The following SRGAP2 variants were observed in gnomAD, a reference collection of about 807,000 sequenced individuals.
The protein encoded by SRGAP2 is SLIT-ROBO Rho GTPase-activating protein 2.
In SRGAP2, 15 loss-of-function variants were observed where a neutral mutation model predicts 57.2. The observed-to-expected ratio is 0.26, with a 90% CI of 0.18 to 0.40. The LOEUF is 0.40. Ranked by LOEUF, SRGAP2 falls within the 10% of genes least tolerant of loss-of-function variation. The pLI is 1.00. For missense variants in SRGAP2, 520 were observed against 669.6 expected (o/e 0.78, Z 2.47); for synonymous variants, 249 against 248.0 (o/e 1.00, Z -0.04).
intron 7 of SRGAP2, among the ~76,000 whole-genome samples, chr1:206,398,330 A>G (rs1236735787): frequency 6.6e-6 from 1 of 151,466 alleles, no homozygotes; most frequent in Non-Finnish European, 1.5e-5. Context: ...CTACAGGTAT[A>G]TAGATAGTCA....
At chr1:206,456,804 C>T (rs896473258) in intron 21 of SRGAP2, among the ~76,000 whole-genome samples, 1 of 152,122 alleles carries the variant, frequency 6.6e-6, no homozygotes, top group Non-Finnish European at 1.5e-5. Context: ...TCCTGCCCCC[C>T]ACGCCACTCC....
At chr1:206,359,122 A>G (rs1553340070) in intron 4 of SRGAP2, among the ~76,000 whole-genome samples, 3 of 151,198 alleles carry the variant, frequency 2.0e-5, no homozygotes, top group African/African-American at 7.3e-5. Context: ...TCTTTTGAAG[A>G]TTTCCATATT....
intron 21 of SRGAP2, chr1:206,455,255 G>A (rs922584528): frequency 1.1e-4 from 62 of 572,496 alleles, no homozygotes; most frequent in Middle Eastern, 3.9e-4. Flanking sequence ...GCTGTGGAAG[G>A]GTGCTTTACT....
intron 6 of SRGAP2, 79 bp from the exon 7 acceptor site, chr1:206,393,466 A>G: frequency 1.5e-6 from 1 of 667,796 alleles, no homozygotes; most frequent in South Asian, 1.8e-5. Flanking sequence ...GTTCTTGAAT[A>G]CACTGTACTT....
chr1:206,359,796 C>CCCTTTTTTT (rs1558345475), intron 4 of SRGAP2, among the ~76,000 whole-genome samples: 1 of 103,664 alleles, frequency 9.6e-6, no homozygotes, highest in African/African-American at 4.7e-5. Context: ...AGGGATATTG[C>CCCTTTTTTT]TCTTTTTTTT....
intron 15 of SRGAP2, 166 bp from the exon 16 acceptor site, chr1:206,437,786 ATGGAGCAGTCTT>A (rs1661901190): frequency 6.7e-6 from 4 of 599,808 alleles, no homozygotes; most frequent in Non-Finnish European, 1.2e-5. Context: ...AGCCCCTGAA[ATGGAGCAGTCTT>A]TGCTTTATCT....
chr1:206,360,095 C>T (rs1174769110), intron 4 of SRGAP2, among the ~76,000 whole-genome samples: 4 of 152,036 alleles, frequency 2.6e-5, no homozygotes, highest in Admixed American at 1.3e-4. Flanking sequence ...CGTGAGCCAC[C>T]GCGCCCGGCC....
intron 2 of SRGAP2, among the ~76,000 whole-genome samples, chr1:206,286,769 C>T (rs1368571220): frequency 1.1e-4 from 16 of 149,906 alleles, no homozygotes; most frequent in African/African-American, 1.5e-4. Flanking sequence ...ATGCTTCCAG[C>T]GAAGGGAAGC....
intron 2 of SRGAP2, among the ~76,000 whole-genome samples, chr1:206,248,812 C>T (rs1174943192): frequency 6.7e-6 from 1 of 149,990 alleles, no homozygotes; most frequent in Non-Finnish European, 1.5e-5. Context: ...CTCTTTACTC[C>T]TCACTGCTGT....
intron 7 of SRGAP2, 30 bp downstream of exon 7, chr1:206,393,703 C>T (rs781846005): frequency 5.0e-6 from 3 of 594,850 alleles, no homozygotes; most frequent in Non-Finnish European, 6.3e-6. Flanking sequence ...GGCCTGAGGG[C>T]ACCTCTTTTC....
At chr1:206,432,887 T>C (rs1661395374) in intron 14 of SRGAP2, among the ~76,000 whole-genome samples, 1 of 152,234 alleles carries the variant, frequency 6.6e-6, no homozygotes, top group Admixed American at 6.5e-5. Context: ...ATGTGTTGTT[T>C]ACCCTGGTAA....
intron 21 of SRGAP2, among the ~76,000 whole-genome samples, chr1:206,458,039 A>G (rs1663980167): frequency 6.6e-6 from 1 of 152,198 alleles, no homozygotes; most frequent in South Asian, 2.1e-4. Flanking sequence ...ATGTAGAGGT[A>G]TTTCCACACT....
chr1:206,453,597 G>T, intron 20 of SRGAP2: 1 of 341,884 alleles, frequency 2.9e-6, no homozygotes. Context: ...CACTATCTGT[G>T]CCCCCTGCAA....
intron 18 of SRGAP2, among the ~76,000 whole-genome samples, chr1:206,448,677 T>C (rs1662976853): frequency 6.6e-6 from 1 of 152,146 alleles, no homozygotes; most frequent in Non-Finnish European, 1.5e-5. Context: ...AGTTTAGAAC[T>C]GTTGCCTTAC....
intron 12 of SRGAP2, among the ~76,000 whole-genome samples, chr1:206,420,280 A>G (rs576095053): frequency 2.0e-5 from 3 of 152,356 alleles, no homozygotes; most frequent in Non-Finnish European, 4.4e-5. Context: ...GAATTACAAT[A>G]AAGATCCCAT....
intron 2 of SRGAP2, among the ~76,000 whole-genome samples, chr1:206,274,315 TCAAAAA>T (rs1287686577): frequency 7.3e-6 from 1 of 136,392 alleles, no homozygotes; most frequent in Non-Finnish European, 1.5e-5. Flanking sequence ...AGACTCAGTC[TCAAAAA>T]CAAAAACAAA....
chr1:206,254,117 TG>T (rs1391686822), intron 2 of SRGAP2, among the ~76,000 whole-genome samples: 1 of 111,996 alleles, frequency 8.9e-6, no homozygotes, highest in African/African-American at 4.0e-5. Context: ...TAGTCTCTCT[TG>T]TAGGCAGAAG....
chr1:206,276,977 T>C, intron 2 of SRGAP2, among the ~76,000 whole-genome samples: 2 of 151,502 alleles, frequency 1.3e-5, no homozygotes, highest in African/African-American at 4.8e-5. Flanking sequence ...TTTTTTTTTT[T>C]TTTTGAGACG....
At position 206,416,764 on chromosome 1, in the gene SRGAP2, G is replaced by A. The variant is rs782214965; in HGVS notation, c.1441+791G>A. 4.6e-5 allele frequency among the ~76,000 whole-genome samples: 7 copies of A among 151,522 alleles called. No individual in the cohort carries two copies. The South Asian group carries it at 8.3e-4, about 18-fold the overall frequency. ...CAGGTTGGGGATGCCTCTGAATGCC[G>A]CCCCCCCCTCCCTGCCCCACTAATC... On this transcript the variant is annotated intron_variant, in intron 11 of 22. Transcript: ENST00000573034.
Sources: allele counts gnomAD v4.1 joint callset (sites outside exome capture counted in the v4.1 genomes callset), GRCh38; gene constraint gnomAD v4.1.1; transcripts MANE v1.5; gene names NCBI Gene and HGNC (gene_info 2026-07-23, HGNC 2026-07-21).